Variants in SGCZ observed in about 807,000 individuals in gnomAD.
The protein encoded by SGCZ is zeta-sarcoglycan.
A neutral mutation model predicts 41.3 loss-of-function variants in SGCZ; 40 were observed. The observed-to-expected ratio is 0.97, with a 90% CI of 0.75 to 1.26. SGCZ has a LOEUF of 1.26. Among genes scored for constraint, SGCZ ranks in the 50% most tolerant of loss-of-function variants. The pLI is 0.00. For missense variants in SGCZ, 552 were observed against 369.8 expected (o/e 1.49, Z -4.04); for synonymous variants, 206 against 137.5 (o/e 1.50, Z -3.49).
chr8:15,197,721 G>C (rs1405596859), intron 1 of SGCZ, among the ~76,000 whole-genome samples: 1 of 152,234 alleles, frequency 6.6e-6, no homozygotes, highest in Non-Finnish European at 1.5e-5. Flanking sequence ...CTCAAAAACA[G>C]GGGGAGGCAA....
At chr8:14,889,014 T>A (rs1314017672) in intron 1 of SGCZ, among the ~76,000 whole-genome samples, 1 of 152,178 alleles carries the variant, frequency 6.6e-6, no homozygotes, top group Non-Finnish European at 1.5e-5. Flanking sequence ...CTACACAAAG[T>A]AACATTGTAT....
chr8:14,645,740 G>A (rs1807192737), intron 1 of SGCZ, among the ~76,000 whole-genome samples: 1 of 151,082 alleles, frequency 6.6e-6, no homozygotes, highest in African/African-American at 2.4e-5. Flanking sequence ...TTTTAATATT[G>A]TAAATTTTTA....
intron 1 of SGCZ, among the ~76,000 whole-genome samples, chr8:15,177,898 A>T (rs1481587768): frequency 6.6e-6 from 1 of 152,174 alleles, no homozygotes. Context: ...CCTAAAGTTC[A>T]GCCTCCTGAT....
intron 3 of SGCZ, among the ~76,000 whole-genome samples, chr8:14,316,854 C>CACAT (rs1491271939): frequency 3.8e-4 from 57 of 150,042 alleles, no homozygotes; most frequent in Middle Eastern, 3.4e-3. Context: ...CACACACACA[C>CACAT]GCCCTGCACT....
chr8:14,542,535 T>A (rs142316192), intron 2 of SGCZ, among the ~76,000 whole-genome samples: 492 of 152,244 alleles, frequency 3.2e-3, no homozygotes, highest in Middle Eastern at 0.024. Context: ...TAAAGGAGAT[T>A]TGTCCATCCT....
chr8:15,182,833 C>T (rs926716176), intron 1 of SGCZ, among the ~76,000 whole-genome samples: 11 of 152,262 alleles, frequency 7.2e-5, no homozygotes, highest in South Asian at 4.2e-4. Context: ...TTAAACTTTT[C>T]GGCTGTTGTA....
chr8:14,133,176 A>G (rs1387409229), intron 5 of SGCZ, among the ~76,000 whole-genome samples: 1 of 152,168 alleles, frequency 6.6e-6, no homozygotes, highest in East Asian at 1.9e-4. Context: ...TTTTGTGAAC[A>G]TGTATCTTGC....
At chr8:15,224,702 T>C (rs1801710882) in intron 1 of SGCZ, among the ~76,000 whole-genome samples, 1 of 152,112 alleles carries the variant, frequency 6.6e-6, no homozygotes, top group South Asian at 2.1e-4. Flanking sequence ...AAAATCTGAA[T>C]ATACAAAAAG....
At chr8:14,879,210 C>A (rs1482200620) in intron 1 of SGCZ, 1 of 152,122 alleles carries the variant, frequency 6.6e-6, no homozygotes, top group Non-Finnish European at 1.5e-5. Context: ...TGCCTGTTTT[C>A]TCAGCTACTC....
intron 1 of SGCZ, among the ~76,000 whole-genome samples, chr8:14,569,453 T>C (rs1434328864): frequency 3.3e-5 from 5 of 152,222 alleles, no homozygotes; most frequent in African/African-American, 7.2e-5. Flanking sequence ...TCAAGAAATA[T>C]ATTTTCAAAA....
intron 1 of SGCZ, among the ~76,000 whole-genome samples, chr8:14,653,122 C>T (rs1807456493): frequency 6.6e-6 from 1 of 152,004 alleles, no homozygotes; most frequent in Admixed American, 6.6e-5. Context: ...TCTCTCAATC[C>T]ATGAGGTACA....
At chr8:15,147,865 T>C (rs1356728470) in intron 1 of SGCZ, among the ~76,000 whole-genome samples, 2 of 152,222 alleles carry the variant, frequency 1.3e-5, no homozygotes, top group Non-Finnish European at 2.9e-5. Flanking sequence ...GAATTATATA[T>C]GTCTCTGAAT....
At chr8:14,288,726 T>C (rs1800733472) in intron 3 of SGCZ, among the ~76,000 whole-genome samples, 1 of 152,194 alleles carries the variant, frequency 6.6e-6, no homozygotes, top group African/African-American at 2.4e-5. Flanking sequence ...TCAATGTAAA[T>C]AGTACTGTTA....
intron 1 of SGCZ, among the ~76,000 whole-genome samples, chr8:14,594,504 A>G (rs917120267): frequency 1.3e-5 from 2 of 150,282 alleles, no homozygotes; most frequent in Non-Finnish European, 2.9e-5. Flanking sequence ...AGGATCAAAC[A>G]AGAAAATATA....
intron 5 of SGCZ, among the ~76,000 whole-genome samples, chr8:14,157,496 G>A (rs756336728): frequency 6.7e-6 from 1 of 150,274 alleles, no homozygotes; most frequent in Non-Finnish European, 1.5e-5. Flanking sequence ...AGACTTAAGT[G>A]TTTGGTATTT....
intron 2 of SGCZ, among the ~76,000 whole-genome samples, chr8:14,494,520 C>G (rs1456396791): frequency 6.6e-6 from 1 of 152,080 alleles, no homozygotes; most frequent in Non-Finnish European, 1.5e-5. Context: ...CACACATGCA[C>G]ACACACAAAC....
chr8:14,926,501 C>T (rs1799753895), intron 1 of SGCZ, among the ~76,000 whole-genome samples: 1 of 117,516 alleles, frequency 8.5e-6, no homozygotes, highest in Non-Finnish European at 1.8e-5. Context: ...TGTTTCTCCT[C>T]TTTGTTCTAA....
At chr8:14,304,777 T>G (rs565079538) in intron 3 of SGCZ, among the ~76,000 whole-genome samples, 1 of 152,180 alleles carries the variant, frequency 6.6e-6, no homozygotes, top group South Asian at 2.1e-4. Flanking sequence ...ATAAGGCTAT[T>G]TTAACTGTGT....
chr8:14,910,335 T>C (rs1426604135), intron 1 of SGCZ, among the ~76,000 whole-genome samples: 1 of 152,044 alleles, frequency 6.6e-6, no homozygotes, highest in Non-Finnish European at 1.5e-5. Context: ...TAAACATCTC[T>C]CACAGTACCA....
Sources: gnomAD v4.1 joint callset for allele counts (sites outside exome capture counted in the v4.1 genomes callset) on GRCh38, gnomAD v4.1.1 for gene constraint, MANE v1.5 for transcripts, NCBI Gene and HGNC (gene_info 2026-07-23, HGNC 2026-07-21) for gene names.